Variants in GLIS3 observed in about 807,000 individuals in gnomAD.
The protein encoded by GLIS3 is GLIS family zinc finger 3, also known as zinc finger protein GLIS3.
GLIS3 carries 53 observed loss-of-function variants against 78.6 expected under a neutral mutation model. The ratio of observed to expected loss-of-function variants is 0.67; its 90% CI spans 0.54 to 0.85. The LOEUF (loss-of-function observed/expected upper bound fraction) is 0.85. Ranked by LOEUF, GLIS3 falls within the 40% of genes least tolerant of loss-of-function variation. The pLI is 0.00. For synonymous variants in GLIS3, 684 were observed against 509.9 expected (o/e 1.34, Z -4.60); for missense variants, 1,703 against 1,231.1 (o/e 1.38, Z -5.74).
intron 2 of GLIS3, among the ~76,000 whole-genome samples, chr9:4,131,460 G>A (rs1832965825): frequency 6.6e-6 from 1 of 152,106 alleles, no homozygotes; most frequent in African/African-American, 2.4e-5. Context: ...TGGATCAGTG[G>A]GATAGAGCCT....
At chr9:3,833,340 A>C (rs1818158096) in intron 9 of GLIS3, among the ~76,000 whole-genome samples, 2 of 152,214 alleles carry the variant, frequency 1.3e-5, no homozygotes, top group African/African-American at 4.8e-5. Context: ...CACTATTTTC[A>C]CAAACCAACA....
chr9:4,296,662 C>T (rs1214786663), intron 1 of GLIS3, among the ~76,000 whole-genome samples: 2 of 152,138 alleles, frequency 1.3e-5, no homozygotes, highest in Non-Finnish European at 2.9e-5. Flanking sequence ...AAGTTAACAG[C>T]AGCACTTAAA....
At chr9:3,962,998 G>A (rs1290637548) in intron 4 of GLIS3, among the ~76,000 whole-genome samples, 1 of 150,836 alleles carries the variant, frequency 6.6e-6, no homozygotes, top group East Asian at 2.0e-4. Context: ...ACATTTCAGA[G>A]TTGCCAGTGC....
At chr9:4,199,641 C>T (rs774276372) in intron 2 of GLIS3, among the ~76,000 whole-genome samples, 34 of 151,398 alleles carry the variant, frequency 2.2e-4, no homozygotes, top group Non-Finnish European at 4.4e-4. Flanking sequence ...AACATTGGAG[C>T]ACTCATACTC....
intron 6 of GLIS3, among the ~76,000 whole-genome samples, chr9:3,907,976 T>C (rs1823838261): frequency 6.6e-6 from 1 of 152,224 alleles, no homozygotes; most frequent in East Asian, 1.9e-4. Flanking sequence ...CTGTACCTGC[T>C]TTGCCAACTT....
chr9:3,843,551 T>G (rs1283370945), intron 9 of GLIS3, among the ~76,000 whole-genome samples: 2 of 152,214 alleles, frequency 1.3e-5, no homozygotes, highest in Admixed American at 6.5e-5. Flanking sequence ...GAAGCCTGCC[T>G]TTGTATCTTG....
the GLIS3 span, among the ~76,000 whole-genome samples, chr9:4,457,967 G>T: frequency 1.3e-5 from 2 of 151,930 alleles, no homozygotes; most frequent in Non-Finnish European, 2.9e-5. Flanking sequence ...TACTTGTTAG[G>T]ACCACGTTAG....
intron 4 of GLIS3, among the ~76,000 whole-genome samples, chr9:3,941,564 C>T (rs768184073): frequency 3.3e-5 from 5 of 152,144 alleles, no homozygotes; most frequent in Non-Finnish European, 5.9e-5. Flanking sequence ...ACATCCCATA[C>T]TTCTACTGCC....
chr9:3,851,088 G>C (rs1189650789), intron 9 of GLIS3, among the ~76,000 whole-genome samples: 1 of 152,216 alleles, frequency 6.6e-6, no homozygotes, highest in African/African-American at 2.4e-5. Flanking sequence ...GTGTCTCCTT[G>C]ATGGGCCCAG....
intron 8 of GLIS3, among the ~76,000 whole-genome samples, chr9:3,875,135 A>G (rs907097481): frequency 1.3e-5 from 2 of 152,236 alleles, no homozygotes; most frequent in East Asian, 1.9e-4. Context: ...AACATTTCCA[A>G]AGACGCTGAG....
intron 2 of GLIS3, among the ~76,000 whole-genome samples, chr9:4,193,802 C>G (rs1818549909): frequency 6.6e-6 from 1 of 152,172 alleles, no homozygotes; most frequent in South Asian, 2.1e-4. Context: ...GCAGGCTGCA[C>G]CGAACCTCCA....
intron 6 of GLIS3, among the ~76,000 whole-genome samples, chr9:3,906,880 C>T (rs138951380): frequency 1.3e-5 from 2 of 152,316 alleles, no homozygotes; most frequent in South Asian, 2.1e-4. Context: ...AAGAGCCTAT[C>T]TCACTGTCTG....
At chr9:4,062,437 T>C (rs1826729095) in intron 4 of GLIS3, among the ~76,000 whole-genome samples, 1 of 152,172 alleles carries the variant, frequency 6.6e-6, no homozygotes, top group Non-Finnish European at 1.5e-5. Flanking sequence ...ATACAAAATA[T>C]CCAAGGCAGA....
chr9:4,121,863 T>A (rs1832218218), intron 3 of GLIS3, among the ~76,000 whole-genome samples: 1 of 152,200 alleles, frequency 6.6e-6, no homozygotes, highest in Non-Finnish European at 1.5e-5. Flanking sequence ...CTTCCTGCAA[T>A]AATATGTTGA....
the GLIS3 span, among the ~76,000 whole-genome samples, chr9:4,471,012 C>A: frequency 6.6e-6 from 1 of 151,138 alleles, no homozygotes; most frequent in Non-Finnish European, 1.5e-5. Context: ...ACAATTGCTT[C>A]AAAGAGAATA....
chr9:4,104,624 G>A (rs1288917491), intron 4 of GLIS3, among the ~76,000 whole-genome samples: 1 of 152,022 alleles, frequency 6.6e-6, no homozygotes, highest in Admixed American at 6.6e-5. Context: ...AAACAATCTA[G>A]CCCCCATTTC....
chr9:4,338,351 C>G (rs752244565), intron 2 of GLIS3, among the ~76,000 whole-genome samples: 5 of 148,512 alleles, frequency 3.4e-5, no homozygotes, highest in Non-Finnish European at 7.4e-5. Flanking sequence ...AGATGGATTT[C>G]TATTATATAT....
chr9:4,469,116 G>C, the GLIS3 span, among the ~76,000 whole-genome samples: 1 of 152,134 alleles, frequency 6.6e-6, no homozygotes, highest in East Asian at 1.9e-4. Context: ...CCCAATATGG[G>C]AGCACCCAGA....
chr9:3,966,580 G>A (rs1817948444), intron 4 of GLIS3, among the ~76,000 whole-genome samples: 1 of 151,862 alleles, frequency 6.6e-6, no homozygotes, highest in Non-Finnish European at 1.5e-5. Flanking sequence ...CCAATCACCT[G>A]AGGTCAGGAG....
Sources: gnomAD v4.1 joint callset for allele counts (sites outside exome capture counted in the v4.1 genomes callset) on GRCh38, gnomAD v4.1.1 for gene constraint, MANE v1.5 for transcripts, NCBI Gene and HGNC (gene_info 2026-07-23, HGNC 2026-07-21) for gene names.